Variants in SCFD2 observed in about 807,000 individuals in gnomAD.
SCFD2 encodes the protein sec1 family domain containing 2.
Under a neutral mutation model 58.9 loss-of-function variants are expected in SCFD2, and 54 were observed. The ratio of observed to expected loss-of-function variants is 0.92; its 90% CI spans 0.74 to 1.15. The LOEUF is 1.15. Among genes scored for constraint, SCFD2 ranks in the 50% most tolerant of loss-of-function variants. The pLI is 0.00. For missense variants in SCFD2, 805 were observed against 836.6 expected (o/e 0.96, Z 0.47); for synonymous variants, 321 against 335.9 (o/e 0.96, Z 0.49).
chr4:53,100,804 T>A (rs544217035), intron 5 of SCFD2, among the ~76,000 whole-genome samples: 6 of 152,290 alleles, frequency 3.9e-5, no homozygotes, highest in African/African-American at 1.2e-4. Context: ...TATCTCTTTT[T>A]TAGTGAATGT....
intron 5 of SCFD2, among the ~76,000 whole-genome samples, chr4:53,049,581 C>T (rs1394962405): frequency 6.6e-6 from 1 of 152,162 alleles, no homozygotes; most frequent in African/African-American, 2.4e-5. Context: ...CCATGTTTCA[C>T]TGCCATTAGC....
At position 52,970,075 on chromosome 4, in the gene SCFD2, C is replaced by T. The variant is rs181796064; in HGVS notation, c.1562-49205G>A. Among the ~76,000 whole-genome samples the T allele has an allele frequency of 1.6e-3, 237 of 152,294 alleles. 2 individuals are homozygous for T. Among genetic ancestry groups the T allele is most frequent in the African/African-American group, 5.5e-3 (227 of 41,564 alleles). ...GCTGAATAGGAACAACTCCAGTCTA[C>T]AGCTCCCAGCGTGAGCGACACAGAA... On this transcript the variant is annotated intron_variant, in intron 5 of 8. Coordinates refer to ENST00000401642, the MANE Select transcript of SCFD2 (RefSeq NM_152540.4).
Position 53,332,315 on chromosome 4 carries a change from T to C in SCFD2, c.1008-18552A>G, listed in dbSNP as rs1487804528. Among the ~76,000 whole-genome samples the C allele has an allele frequency of 4.6e-5, 7 of 151,726 alleles. No individual in the cohort carries two copies. In the East Asian group the frequency reaches 5.8e-4, roughly 13 times the overall value. The stretch of plus-strand genomic sequence containing the variant: ...ACCAAAAAAGAGAATTTTAGACCAA[T>C]AGCCTTGATGAACATTGATGCAAAA... On this transcript the variant is annotated intron_variant, in intron 2 of 8. Coordinates refer to ENST00000401642, the MANE Select transcript of SCFD2 (RefSeq NM_152540.4).
intron 5 of SCFD2, among the ~76,000 whole-genome samples, chr4:53,140,392 A>AATATATATATAT (rs1553880149): frequency 6.2e-5 from 6 of 97,496 alleles, no homozygotes; most frequent in Admixed American, 2.2e-4. Context: ...CAAAAATGCT[A>AATATATATATAT]ATATATATAT....
intron 8 of SCFD2, among the ~76,000 whole-genome samples, chr4:52,875,454 C>CA (rs5858189): frequency 0.89 from 135,496 of 151,942 alleles, 60,675 homozygotes; most frequent in East Asian, 1. Context: ...CCACAGCCCA[C>CA]ATCCCTTGGA....
At chr4:53,104,445 C>T (rs1347322509) in intron 5 of SCFD2, among the ~76,000 whole-genome samples, 2 of 152,116 alleles carry the variant, frequency 1.3e-5, no homozygotes, top group East Asian at 3.8e-4. Context: ...ACTGCCATAA[C>T]CAAGAGAAGC....
At position 52,969,758 on chromosome 4, in the gene SCFD2, G is replaced by A. The variant is rs576624889; in HGVS notation, c.1562-48888C>T. 2.0e-5 allele frequency among the ~76,000 whole-genome samples: 3 copies of A among 152,314 alleles called. No individual in the cohort carries two copies. In the South Asian group the frequency reaches 6.2e-4, roughly 32 times the overall value. On this transcript the variant is annotated intron_variant, in intron 5 of 8. Transcript: ENST00000401642. The stretch of plus-strand genomic sequence containing the variant: ...AACCTGAGGCAGTGATGCAGAGGGA[G>A]TGAGATATGAATTTGAGTTGTGTTT...
chr4:53,329,440 G>A (rs1424863696), intron 2 of SCFD2, among the ~76,000 whole-genome samples: 2 of 151,738 alleles, frequency 1.3e-5, no homozygotes, highest in African/African-American at 4.8e-5. Flanking sequence ...CCTGACCCCT[G>A]ACCCCCGAGC....
rs987473133 is a variant in SCFD2, at chr4:52,992,058, G to A, written c.1562-71188C>T. Among the ~76,000 whole-genome samples, 6 of 151,810 alleles carry A rather than the reference G, an allele frequency of 4.0e-5. No homozygotes were observed. In the South Asian group the frequency reaches 6.3e-4, roughly 16 times the overall value. ...CTCCCCGCAGTCTCCCTCTCCCCAC[G>A]GTCTCCCTCTGATGCCGAGCCGAAG... On this transcript the variant is annotated intron_variant, in intron 5 of 8. Coordinates refer to ENST00000401642, the MANE Select transcript of SCFD2 (RefSeq NM_152540.4).
intron 3 of SCFD2, among the ~76,000 whole-genome samples, chr4:53,297,511 A>G (rs1421415964): frequency 6.6e-6 from 1 of 151,832 alleles, no homozygotes; most frequent in Non-Finnish European, 1.5e-5. Context: ...TGCTTGGTAA[A>G]TATTCCTCTA....
chr4:52,885,666 G>C, intron 8 of SCFD2, 81 bp downstream of exon 8: 1 of 1,538,820 alleles, frequency 6.5e-7, no homozygotes, highest in Non-Finnish European at 8.9e-7. Flanking sequence ...AGGGGCACTG[G>C]GACCCATAGG....
At chr4:53,182,171 C>G (rs894796943) in intron 4 of SCFD2, among the ~76,000 whole-genome samples, 4 of 152,064 alleles carry the variant, frequency 2.6e-5, no homozygotes, top group Non-Finnish European at 5.9e-5. Flanking sequence ...TCATATGGAA[C>G]CAAAAAAGAG....
chr4:52,928,353 T>G (rs182270284), intron 5 of SCFD2, among the ~76,000 whole-genome samples: 377 of 152,148 alleles, frequency 2.5e-3, no homozygotes, highest in Non-Finnish European at 4.2e-3. Flanking sequence ...ATAATCTAGG[T>G]TGTCAGACAT....
chr4:52,875,200 C>T (rs1365463191), intron 8 of SCFD2, among the ~76,000 whole-genome samples: 1 of 152,158 alleles, frequency 6.6e-6, no homozygotes, highest in African/African-American at 2.4e-5. Context: ...CCCTTTACTC[C>T]CTTACTCCAC....
At chr4:53,136,722 C>T (rs1487167623) in intron 5 of SCFD2, among the ~76,000 whole-genome samples, 1 of 152,192 alleles carries the variant, frequency 6.6e-6, no homozygotes, top group Non-Finnish European at 1.5e-5. Flanking sequence ...CAGCACACAA[C>T]TACTAAGAGT....
intron 4 of SCFD2, among the ~76,000 whole-genome samples, chr4:53,201,559 C>T (rs1728240049): frequency 6.6e-6 from 1 of 152,212 alleles, no homozygotes; most frequent in Admixed American, 6.5e-5. Context: ...ATGGCTGGGT[C>T]AAATGGTATT....
chr4:52,927,954 T>C (rs899291561), intron 5 of SCFD2, among the ~76,000 whole-genome samples: 2 of 152,220 alleles, frequency 1.3e-5, no homozygotes, highest in African/African-American at 4.8e-5. Flanking sequence ...CACATATTTC[T>C]GAGGTTTTAT....
At chr4:52,994,312 C>T (rs557052456) in intron 5 of SCFD2, among the ~76,000 whole-genome samples, 2 of 152,334 alleles carry the variant, frequency 1.3e-5, no homozygotes, top group South Asian at 2.1e-4. Context: ...TATACTGCCT[C>T]GGACCACCCT....
intron 5 of SCFD2, among the ~76,000 whole-genome samples, chr4:52,943,811 G>C (rs914741156): frequency 6.6e-6 from 1 of 152,152 alleles, no homozygotes; most frequent in Non-Finnish European, 1.5e-5. Flanking sequence ...CAATGGCTCT[G>C]TATCACCCAT....
Sources: gnomAD v4.1 joint callset for allele counts (sites outside exome capture counted in the v4.1 genomes callset) on GRCh38, gnomAD v4.1.1 for gene constraint, MANE v1.5 for transcripts, NCBI Gene and HGNC (gene_info 2026-07-23, HGNC 2026-07-21) for gene names.